LRRC4C: variants seen among roughly 807,000 people sequenced by gnomAD.
LRRC4C encodes the protein leucine-rich repeat-containing protein 4C.
Under a neutral mutation model 33.6 loss-of-function variants are expected in LRRC4C, and 5 were observed. The observed-to-expected ratio is 0.15, with a 90% CI of 0.08 to 0.31. The LOEUF is 0.31. Among genes scored for constraint, LRRC4C ranks in the 10% least tolerant of loss-of-function variants. The probability of loss-of-function intolerance (pLI) is 1.00; values close to 1 mark genes in which losing one functional copy is unlikely to be tolerated. For missense variants in LRRC4C, 560 were observed against 796.7 expected (o/e 0.70, Z 3.58); for synonymous variants, 329 against 302.0 (o/e 1.09, Z -0.93).
chr11:41,153,906 G>C (rs1215586702), intron 1 of LRRC4C, among the ~76,000 whole-genome samples: 1 of 152,096 alleles, frequency 6.6e-6, no homozygotes, highest in Non-Finnish European at 1.5e-5. Flanking sequence ...GGAGGGTAAA[G>C]GGATATTTGA....
intron 1 of LRRC4C, among the ~76,000 whole-genome samples, chr11:41,342,587 C>A (rs139843065): frequency 1.3e-5 from 2 of 151,922 alleles, no homozygotes; most frequent in African/African-American, 2.4e-5. Context: ...TGGTGGTGTG[C>A]GCCTGTAATT....
intron 2 of LRRC4C, among the ~76,000 whole-genome samples, chr11:40,703,185 G>A (rs1038648264): frequency 2.6e-5 from 4 of 151,974 alleles, no homozygotes; most frequent in African/African-American, 4.8e-5. Context: ...AGAGGCCAGG[G>A]ATGATGCCAA....
At chr11:40,478,886 G>T (rs886123766) in intron 3 of LRRC4C, among the ~76,000 whole-genome samples, 1 of 152,224 alleles carries the variant, frequency 6.6e-6, no homozygotes, top group East Asian at 1.9e-4. Context: ...TACTAATAAA[G>T]CTTTGGAAAA....
At chr11:40,538,667 A>G (rs1956579300) in intron 3 of LRRC4C, among the ~76,000 whole-genome samples, 1 of 152,182 alleles carries the variant, frequency 6.6e-6, no homozygotes. Context: ...TAGCTGGGTC[A>G]AATAGTATTT....
intron 2 of LRRC4C, among the ~76,000 whole-genome samples, chr11:40,926,366 G>A (rs773936033): frequency 3.3e-5 from 5 of 151,954 alleles, no homozygotes; most frequent in Non-Finnish European, 5.9e-5. Flanking sequence ...AAATAAATTC[G>A]ACAATAAATG....
At chr11:40,456,969 T>TG (rs1952160464) in intron 3 of LRRC4C, among the ~76,000 whole-genome samples, 1 of 151,854 alleles carries the variant, frequency 6.6e-6, no homozygotes, top group African/African-American at 2.4e-5. Context: ...AAATTATGTG[T>TG]GCTATACAGT....
chr11:40,679,415 G>A (rs1565628407), intron 2 of LRRC4C, among the ~76,000 whole-genome samples: 2 of 152,158 alleles, frequency 1.3e-5, no homozygotes, highest in African/African-American at 4.8e-5. Context: ...TAATCACCAA[G>A]ACAATTGAAA....
chr11:40,828,514 CT>C lies in LRRC4C; in HGVS notation c.-407+105120del, dbSNP rs560969601. ...TTTTTAGCTGTGCTTTAGTCTTTGA[CT>C]TACATGGTTCGCATTTATACTAAAA... On this transcript the variant is annotated intron_variant, in intron 2 of 6. Transcript: ENST00000528697. Among the ~76,000 whole-genome samples the C allele has an allele frequency of 3.2e-4, 49 of 151,860 alleles. 1 individual carries two copies. The South Asian group carries it at 0.01, about 32-fold the overall frequency.
At chr11:41,096,202 AT>A (rs1940800292) in intron 1 of LRRC4C, among the ~76,000 whole-genome samples, 1 of 152,116 alleles carries the variant, frequency 6.6e-6, no homozygotes, top group African/African-American at 2.4e-5. Context: ...ACAGAATTAC[AT>A]TTTTTCATAA....
At chr11:40,686,488 C>T (rs1944961951) in intron 2 of LRRC4C, among the ~76,000 whole-genome samples, 1 of 151,928 alleles carries the variant, frequency 6.6e-6, no homozygotes. Flanking sequence ...TCACTAACTT[C>T]ACCGGGGGCG....
chr11:40,573,841 G>A (rs1217191524), intron 3 of LRRC4C, among the ~76,000 whole-genome samples: 1 of 152,040 alleles, frequency 6.6e-6, no homozygotes, highest in Non-Finnish European at 1.5e-5. Flanking sequence ...AATAAATGTG[G>A]GTAGACTACA....
intron 5 of LRRC4C, among the ~76,000 whole-genome samples, chr11:40,175,231 C>T (rs1306923318): frequency 6.6e-6 from 1 of 152,194 alleles, no homozygotes; most frequent in African/African-American, 2.4e-5. Context: ...ATGTCACTGA[C>T]TAAATTCATC....
At chr11:40,808,775 A>C (rs560510544) in intron 2 of LRRC4C, among the ~76,000 whole-genome samples, 21 of 152,152 alleles carry the variant, frequency 1.4e-4, no homozygotes, top group Non-Finnish European at 2.6e-4. Context: ...TTTCTTCAGC[A>C]TCTCAGCTAA....
At chr11:41,264,898 T>C (rs10501259) in intron 1 of LRRC4C, among the ~76,000 whole-genome samples, 19,458 of 152,170 alleles carry the variant, frequency 0.13, 1,400 homozygotes, top group Middle Eastern at 0.25. Context: ...TGTAATTTCC[T>C]TGATGTAAGT....
intron 3 of LRRC4C, among the ~76,000 whole-genome samples, chr11:40,600,343 C>T (rs1959855353): frequency 6.6e-6 from 1 of 152,132 alleles, no homozygotes; most frequent in Admixed American, 6.5e-5. Context: ...CTGAGGCTTA[C>T]AGAGATTATG....
chr11:41,441,839 G>A (rs1005808426), intron 1 of LRRC4C, among the ~76,000 whole-genome samples: 1 of 152,020 alleles, frequency 6.6e-6, no homozygotes, highest in South Asian at 2.1e-4. Context: ...ATTCATTTAG[G>A]TTTCTTGAGT....
chr11:40,589,092 T>C (rs1958907826), intron 3 of LRRC4C, among the ~76,000 whole-genome samples: 1 of 152,156 alleles, frequency 6.6e-6, no homozygotes, highest in African/African-American at 2.4e-5. Context: ...AAGTCTCCCA[T>C]TATTAATGTG....
chr11:40,214,942 G>T (rs1863867115), intron 5 of LRRC4C, among the ~76,000 whole-genome samples: 1 of 152,054 alleles, frequency 6.6e-6, no homozygotes, highest in Non-Finnish European at 1.5e-5. Flanking sequence ...TTACATTAAA[G>T]GTGTTGCTGG....
At chr11:40,363,921 G>A (rs1032704918) in intron 3 of LRRC4C, among the ~76,000 whole-genome samples, 1 of 152,068 alleles carries the variant, frequency 6.6e-6, no homozygotes, top group Non-Finnish European at 1.5e-5. Context: ...TGCTGTGCTT[G>A]TCTGATTATA....
Sources: allele counts gnomAD v4.1 joint callset (sites outside exome capture counted in the v4.1 genomes callset), GRCh38; gene constraint gnomAD v4.1.1; transcripts MANE v1.5; gene names NCBI Gene and HGNC (gene_info 2026-07-23, HGNC 2026-07-21).